The following TRAT1 variants were observed in gnomAD, a reference collection of about 807,000 sequenced individuals.
TRAT1 encodes the protein T cell receptor associated transmembrane adaptor 1.
A neutral mutation model predicts 20.0 loss-of-function variants in TRAT1; 20 were observed. The observed-to-expected ratio is 1.00, with a 90% CI of 0.70 to 1.45. The LOEUF is 1.45. TRAT1 is among the 40% of genes most tolerant of loss of function. The probability of loss-of-function intolerance (pLI) is 0.00; values close to 1 mark genes in which losing one functional copy is unlikely to be tolerated. For missense variants in TRAT1, 237 were observed against 224.1 expected, an observed-to-expected ratio of 1.06 and a Z score of -0.37; for synonymous variants, 77 against 74.2, an observed-to-expected ratio of 1.04 and a Z score of -0.20.
At chr3:108,843,682 T>C (rs1479483859) in intron 3 of TRAT1, among the ~76,000 whole-genome samples, 2 of 152,208 alleles carry the variant, frequency 1.3e-5, no homozygotes, top group African/African-American at 2.4e-5. Context: ...TCTTCCTCTT[T>C]TCCTCTTCTT....
intron 4 of TRAT1, among the ~76,000 whole-genome samples, 156 bp from the exon 5 acceptor site, chr3:108,849,010 G>GCTTC (rs1387896119): frequency 6.6e-6 from 1 of 152,132 alleles, no homozygotes; most frequent in Non-Finnish European, 1.5e-5. Context: ...AACAGTTTGG[G>GCTTC]CTTCCTTACC....
At chr3:108,844,854 A>G (rs1333527575) in intron 3 of TRAT1, among the ~76,000 whole-genome samples, 2 of 149,834 alleles carry the variant, frequency 1.3e-5, no homozygotes. Context: ...AAAAAAAAAA[A>G]AAAAAAAAAA....
chr3:108,844,863 A>AG (rs1559824235), intron 3 of TRAT1, among the ~76,000 whole-genome samples: 1 of 150,190 alleles, frequency 6.7e-6, no homozygotes, highest in African/African-American at 2.4e-5. Flanking sequence ...AAAAAAAAAA[A>AG]AAAAAAGAAA....
At chr3:108,850,753 A>G (rs1380633503) in intron 5 of TRAT1, among the ~76,000 whole-genome samples, 8 of 152,262 alleles carry the variant, frequency 5.3e-5, no homozygotes, top group Non-Finnish European at 1.0e-4. Flanking sequence ...TGCTAAATCC[A>G]TGATAATAAA....
At chr3:108,838,352 TAGATGATA>T (rs1420518652) in intron 2 of TRAT1, among the ~76,000 whole-genome samples, 2 of 37,292 alleles carry the variant, frequency 5.4e-5, no homozygotes, top group African/African-American at 4.2e-4. Flanking sequence ...TAGATATAGA[TAGATGATA>T]GATAGATAGA....
chr3:108,827,403 T>C (rs1460833537), intron 1 of TRAT1, among the ~76,000 whole-genome samples: 2 of 151,648 alleles, frequency 1.3e-5, no homozygotes, highest in Non-Finnish European at 2.9e-5. Context: ...TGTGTGTGTG[T>C]GTGTGTGTGT....
rs528692814 is a variant in TRAT1, at chr3:108,854,708, C to T, written c.*831C>T. 1.6e-4 allele frequency: 24 copies of T among 152,026 alleles called. No homozygotes were observed. The highest frequency in any genetic ancestry group is 4.1e-4 in the African/African-American group (17 of 41,502). 9.4% of individuals were successfully genotyped at this position (152,026 alleles called of 1,614,324 possible). A position where few individuals can be genotyped will look rare whatever the true frequency, so the allele number is the denominator to read the frequency against. ...TGTTATATTTAACTATATATAAATA[C>T]GCATATATTGTAATTTTAATGTCTG... On this transcript the variant is annotated 3_prime_UTR_variant, in exon 6 of 6. Coordinates refer to ENST00000295756, the MANE Select transcript of TRAT1 (RefSeq NM_016388.4).
intron 2 of TRAT1, among the ~76,000 whole-genome samples, chr3:108,835,481 C>T (rs1945830440): frequency 6.6e-6 from 1 of 152,156 alleles, no homozygotes; most frequent in Non-Finnish European, 1.5e-5. Context: ...TTTCAGAAGC[C>T]TGAGCTTGCT....
rs1559826567 is a variant in TRAT1, at chr3:108,853,651, C to T, written c.335C>T (p.Ser112Leu). ...AATGAAACACAGATGTGCTACGCCT[C>T]ACTTGATCACAGCGTTAAGGGGAAG... ...ATNETQMCYA[S>L]LDHSVKGKRR... The change falls in exon 6 of 6, where the codon TCA (serine) becomes TTA (leucine). Residue 112 changes from serine to leucine, a missense_variant. Physicochemically the swap from Ser to Leu is moderately radical, Grantham distance 145. Transcript: ENST00000295756. 1 of 1,614,106 alleles carries T rather than the reference C, an allele frequency of 6.2e-7. No individual in the cohort carries two copies. The highest frequency in any genetic ancestry group is 8.5e-7 in the Non-Finnish European group (1 of 1,179,956).
intron 2 of TRAT1, among the ~76,000 whole-genome samples, chr3:108,837,483 A>C (rs898413458): frequency 6.6e-6 from 1 of 152,234 alleles, no homozygotes; most frequent in Non-Finnish European, 1.5e-5. Flanking sequence ...AGAATAACTC[A>C]ACTTTGTTAC....
At chr3:108,841,634 T>C (rs1945897716) in intron 3 of TRAT1, among the ~76,000 whole-genome samples, 1 of 152,184 alleles carries the variant, frequency 6.6e-6, no homozygotes, top group South Asian at 2.1e-4. Flanking sequence ...TACTGGCTTA[T>C]GCTGGAAGGG....
intron 4 of TRAT1, among the ~76,000 whole-genome samples, chr3:108,848,131 T>C (rs532159078): frequency 1.2e-3 from 178 of 152,358 alleles, no homozygotes; most frequent in African/African-American, 4.1e-3. Context: ...TTATGTATTC[T>C]GATGGCTCCA....
intron 3 of TRAT1, among the ~76,000 whole-genome samples, chr3:108,841,685 T>C (rs1308755760): frequency 6.6e-6 from 1 of 152,176 alleles, no homozygotes; most frequent in Non-Finnish European, 1.5e-5. Context: ...TGTTTCCCCA[T>C]TCCCTGCCCT....
chr3:108,849,328 A>T, intron 5 of TRAT1, 74 bp downstream of exon 5: 1 of 1,259,824 alleles, frequency 7.9e-7, no homozygotes. Context: ...TACACATCTG[A>T]AATAGCCTGT....
Position 108,822,926 on chromosome 3 carries a change from G to A in TRAT1, c.-2G>A, listed in dbSNP as rs1314525901. ...ATAAAGATTTCTCTGAAAAAAAGAAGCATGTCAGGTAAGTGGCATTTTAAA... is the reference window on the plus strand; with the variant it reads ...ATAAAGATTTCTCTGAAAAAAAGAAACATGTCAGGTAAGTGGCATTTTAAA... On this transcript the variant is annotated 5_prime_UTR_variant, in exon 1 of 6. Coordinates refer to ENST00000295756, the MANE Select transcript of TRAT1 (RefSeq NM_016388.4). The A allele has an allele frequency of 6.2e-7, 1 of 1,610,018 alleles. No individual in the cohort carries two copies. Among genetic ancestry groups the A allele is most frequent in the Non-Finnish European group, 8.5e-7 (1 of 1,177,520 alleles).
intron 2 of TRAT1, among the ~76,000 whole-genome samples, chr3:108,837,692 T>G (rs1298793153): frequency 1.3e-5 from 2 of 152,176 alleles, no homozygotes; most frequent in African/African-American, 4.8e-5. Flanking sequence ...TAATAACTTT[T>G]TTGCAAGGTT....
At chr3:108,841,133 G>A (rs944645620) in intron 3 of TRAT1, among the ~76,000 whole-genome samples, 2 of 152,154 alleles carry the variant, frequency 1.3e-5, no homozygotes, top group Admixed American at 6.5e-5. Flanking sequence ...AGAAAAGAAG[G>A]ACCAGTTGGG....
intron 1 of TRAT1, 35 bp downstream of exon 1, chr3:108,822,969 G>A (rs765909670): frequency 1.2e-6 from 2 of 1,602,636 alleles, no homozygotes; most frequent in Middle Eastern, 1.7e-4. Context: ...TTCCATTTGT[G>A]TGTCTAAAAA....
intron 3 of TRAT1, among the ~76,000 whole-genome samples, chr3:108,846,062 G>A (rs1311741401): frequency 1.3e-5 from 2 of 152,200 alleles, no homozygotes; most frequent in Non-Finnish European, 2.9e-5. Context: ...ATAGTCTCTA[G>A]ACTGTTTCCC....
Sources: allele counts gnomAD v4.1 joint callset (sites outside exome capture counted in the v4.1 genomes callset), GRCh38; gene constraint gnomAD v4.1.1; transcripts MANE v1.5; gene names NCBI Gene and HGNC (gene_info 2026-07-23, HGNC 2026-07-21).